SNX25: variants seen among roughly 807,000 people sequenced by gnomAD.
SNX25 encodes the protein sorting nexin-25.
Under a neutral mutation model 113.7 loss-of-function variants are expected in SNX25, and 62 were observed. The ratio of observed to expected loss-of-function variants is 0.55; its 90% CI spans 0.44 to 0.67. SNX25 has a LOEUF of 0.67. SNX25 is among the 30% of genes least tolerant of loss of function. The pLI is 0.00. For missense variants in SNX25, 1,014 were observed against 1,161.0 expected, an observed-to-expected ratio of 0.87 and a Z score of 1.84; for synonymous variants, 421 against 436.2, an observed-to-expected ratio of 0.97 and a Z score of 0.43.
At chr4:185,226,650 T>C (rs539883931) in intron 1 of SNX25, among the ~76,000 whole-genome samples, 110 of 152,260 alleles carry the variant, frequency 7.2e-4, no homozygotes, top group Middle Eastern at 3.4e-3. Context: ...AAGGTCTCAC[T>C]ATGTTGCCCG....
intron 5 of SNX25, among the ~76,000 whole-genome samples, chr4:185,279,308 C>G (rs1051055697): frequency 6.6e-6 from 1 of 151,982 alleles, no homozygotes; most frequent in African/African-American, 2.4e-5. Flanking sequence ...TTTCCTCAAC[C>G]CTTGGGGTGG....
chr4:185,325,847 A>G (rs904409641), intron 9 of SNX25, among the ~76,000 whole-genome samples: 1 of 152,208 alleles, frequency 6.6e-6, no homozygotes, highest in Non-Finnish European at 1.5e-5. Context: ...AACCCTGTAC[A>G]GGGACTGTGT....
chr4:185,370,758 C>T, downstream of SNX25: 1 of 1,614,110 alleles, frequency 6.2e-7, no homozygotes, highest in Non-Finnish European at 8.5e-7. Flanking sequence ...CTCCGGGAGA[C>T]AGTCTGTGAC....
downstream of SNX25, chr4:185,371,146 A>C: frequency 1.4e-5 from 3 of 207,634 alleles, no homozygotes; most frequent in Non-Finnish European, 2.0e-5. Context: ...AGAAGAAAGC[A>C]TTTTCTATTT....
At chr4:185,354,519 C>T (rs774329735) in intron 15 of SNX25, among the ~76,000 whole-genome samples, 2 of 152,262 alleles carry the variant, frequency 1.3e-5, no homozygotes, top group Non-Finnish European at 2.9e-5. Context: ...AGGACAGCCC[C>T]GCGGCAGAGT....
intron 1 of SNX25, among the ~76,000 whole-genome samples, chr4:185,240,615 C>T (rs1743697517): frequency 6.6e-6 from 1 of 150,658 alleles, no homozygotes; most frequent in African/African-American, 2.4e-5. Context: ...AGGCGCCCCT[C>T]ACCTCCCGGA....
At chr4:185,267,725 C>T (rs1272634493) in intron 5 of SNX25, among the ~76,000 whole-genome samples, 1 of 148,976 alleles carries the variant, frequency 6.7e-6, no homozygotes, top group African/African-American at 2.5e-5. Flanking sequence ...AGTGAGACTC[C>T]TTCTAAAAAA....
intron 1 of SNX25, among the ~76,000 whole-genome samples, chr4:185,212,492 T>TTTCTGTTTC (rs1560890025): frequency 3.6e-5 from 1 of 27,870 alleles, no homozygotes; most frequent in African/African-American, 1.2e-4. Flanking sequence ...TGTGTGTGTG[T>TTTCTGTTTC]TTTTTTTTTT....
intron 2 of SNX25, among the ~76,000 whole-genome samples, chr4:185,254,595 T>A (rs779076077): frequency 1.9e-4 from 29 of 152,254 alleles, no homozygotes; most frequent in African/African-American, 5.3e-4. Context: ...TTACCTAACA[T>A]CCTGTTGTCT....
intron 13 of SNX25, among the ~76,000 whole-genome samples, chr4:185,348,717 G>T (rs2126737013): frequency 6.6e-6 from 1 of 152,150 alleles, no homozygotes; most frequent in African/African-American, 2.4e-5. Context: ...TTTCTTCGTG[G>T]TGAGAACATT....
rs534423942 is a variant in SNX25, at chr4:185,353,834, A to G, written c.2584+232A>G. Among the ~76,000 whole-genome samples the G allele has an allele frequency of 3.9e-5, 6 of 152,252 alleles. No homozygotes were observed. In the South Asian group the frequency reaches 1.0e-3, roughly 26 times the overall value. On this transcript the variant is annotated intron_variant, in intron 15 of 18. Coordinates refer to ENST00000652585, the MANE Select transcript of SNX25 (RefSeq NM_001378034.2). ...GCCAAGGCGGGTGGATCATGAAGTC[A>G]AGAGATCAAGACCATCCTGACCAAC... is the stretch of plus-strand genomic sequence containing the variant.
upstream of SNX25, chr4:185,209,542 C>A: frequency 5.4e-6 from 1 of 186,248 alleles, no homozygotes; most frequent in Non-Finnish European, 1.0e-5. The surrounding 1 kb of genome is among the most constrained non-coding windows in gnomAD (Gnocchi z 5.2). Flanking sequence ...CCGGGCCCCG[C>A]CCGACACGCA....
intron 5 of SNX25, among the ~76,000 whole-genome samples, chr4:185,278,139 G>A (rs1327395138): frequency 6.6e-6 from 1 of 152,186 alleles, no homozygotes; most frequent in Non-Finnish European, 1.5e-5. Flanking sequence ...GTCTCATGAG[G>A]TGGCACAAGC....
chr4:185,323,695 G>T lies in SNX25; in HGVS notation c.1644G>T (p.Lys548Asn). 1 of 1,613,670 alleles carries T rather than the reference G, an allele frequency of 6.2e-7. No homozygotes were observed. The highest frequency in any genetic ancestry group is 8.5e-7 in the Non-Finnish European group (1 of 1,179,738). Residue 548 changes from lysine (K) to asparagine (N), a missense_variant, in exon 9 of 19, where the codon AAG becomes AAT. By Grantham distance (94) the Lys-to-Asn change is moderately conservative. Transcript: ENST00000652585. The stretch of plus-strand genomic sequence containing the variant: ...AGGAAGATGTTTATGAGACCCTAAA[G>T]GATAGGTATTACCCTTCATTTATTG... The part of the protein sequence containing the change: ...KIQEDVYETL[K>N]DRYYPSFIVS...
chr4:185,328,723 G>A lies in SNX25; in HGVS notation c.1750-3872G>A, dbSNP rs563413777. 2.6e-5 allele frequency among the ~76,000 whole-genome samples: 4 copies of A among 152,248 alleles called. No homozygotes were observed. The South Asian group carries it at 8.3e-4, about 32-fold the overall frequency. On this transcript the variant is annotated intron_variant, in intron 9 of 18. Coordinates refer to ENST00000652585, the MANE Select transcript of SNX25 (RefSeq NM_001378034.2). ...AGATCCCAGATGCTATTTGATCTGC[G>A]ACAAATCAAACATGGAGAAAGGGAC... is the stretch of plus-strand genomic sequence containing the variant.
chr4:185,306,199 A>T (rs1255120156), intron 6 of SNX25, among the ~76,000 whole-genome samples: 1 of 152,232 alleles, frequency 6.6e-6, no homozygotes, highest in East Asian at 1.9e-4. Context: ...CACTGGATTT[A>T]CAAGGATTTT....
At chr4:185,251,188 T>G (rs1745580782) in intron 2 of SNX25, among the ~76,000 whole-genome samples, 1 of 152,130 alleles carries the variant, frequency 6.6e-6, no homozygotes, top group Admixed American at 6.5e-5. Flanking sequence ...AGAGACAGTG[T>G]TTCACCATGT....
chr4:185,221,978 C>T lies in SNX25; in HGVS notation c.429+11723C>T, dbSNP rs1363418419. 4.1e-4 allele frequency among the ~76,000 whole-genome samples: 61 copies of T among 149,362 alleles called. No homozygotes were observed. In the Middle Eastern group the frequency reaches 0.014, roughly 34 times the overall value. ...CCCCTCCTTCACGGTAGGAATATAG[C>T]GCCATATACCCCTCCTTCATGGTAG... On this transcript the variant is annotated intron_variant, in intron 1 of 18. Transcript: ENST00000652585.
At chr4:185,263,189 G>A (rs776824245) in intron 3 of SNX25, among the ~76,000 whole-genome samples, 1 of 152,282 alleles carries the variant, frequency 6.6e-6, no homozygotes, top group Non-Finnish European at 1.5e-5. Context: ...TACCGTTTGA[G>A]AGAGATTTTG....
Sources: allele counts gnomAD v4.1 joint callset (sites outside exome capture counted in the v4.1 genomes callset), GRCh38; gene constraint gnomAD v4.1.1; non-coding constraint Gnocchi (gnomAD v3.1); transcripts MANE v1.5; gene names NCBI Gene and HGNC (gene_info 2026-07-23, HGNC 2026-07-21).